The following IL7R variants were observed in gnomAD, a reference collection of about 807,000 sequenced individuals.
IL7R encodes interleukin-7 receptor subunit alpha.
IL7R carries 38 observed loss-of-function variants against 47.0 expected under a neutral mutation model. The observed-to-expected ratio is 0.81, with a 90% CI of 0.62 to 1.06. The LOEUF (loss-of-function observed/expected upper bound fraction) is 1.06, where lower values mean the gene tolerates loss of function less well. IL7R is among the 50% of genes least tolerant of loss of function. IL7R has a pLI of 0.00. For missense variants in IL7R, 633 were observed against 534.8 expected (o/e 1.18, Z -1.81); for synonymous variants, 221 against 199.8 (o/e 1.11, Z -0.89).
chr5:35,872,619 T>G (rs530315164), intron 4 of IL7R, among the ~76,000 whole-genome samples: 2 of 152,244 alleles, frequency 1.3e-5, no homozygotes, highest in South Asian at 4.1e-4. Context: ...ATTAGAAAAA[T>G]TATAGCCAAA....
rs1043693151 is a variant in IL7R at position 35,869,393 on chromosome 5, A to C, written c.380-1663A>C. ...TGCTCAAAGAAATCATTTGAGCTTGAGGAAAACTGTCCAGAGGGCACGAGG... is the reference window on the plus strand; with the variant it reads ...TGCTCAAAGAAATCATTTGAGCTTGCGGAAAACTGTCCAGAGGGCACGAGG... On this transcript the variant is annotated intron_variant, in intron 3 of 7. Coordinates refer to ENST00000303115, the MANE Select transcript of IL7R (RefSeq NM_002185.5). Among the ~76,000 whole-genome samples the C allele has an allele frequency of 2.0e-5, 3 of 152,172 alleles. No homozygotes were observed. The East Asian group carries it at 5.8e-4, about 29-fold the overall frequency.
chr5:35,866,722 T>C (rs1196853941), intron 2 of IL7R, among the ~76,000 whole-genome samples: 2 of 152,140 alleles, frequency 1.3e-5, no homozygotes, highest in Non-Finnish European at 2.9e-5. Context: ...TTTTAACATC[T>C]GCATGTTCTA....
intron 2 of IL7R, 77 bp from the exon 3 acceptor site, chr5:35,867,229 A>T: frequency 1.6e-6 from 2 of 1,282,542 alleles, no homozygotes; most frequent in South Asian, 1.2e-5. Flanking sequence ...ACATACATCA[A>T]TGTGCATATG....
chr5:35,869,007 A>G (rs1321986406), intron 3 of IL7R, among the ~76,000 whole-genome samples: 3 of 152,148 alleles, frequency 2.0e-5, no homozygotes, highest in Non-Finnish European at 4.4e-5. Context: ...TGGAAGGGGT[A>G]GTGTGAGTCT....
chr5:35,859,612 G>C (rs1759748578), intron 1 of IL7R, among the ~76,000 whole-genome samples: 1 of 152,154 alleles, frequency 6.6e-6, no homozygotes, highest in South Asian at 2.1e-4. Flanking sequence ...AGGGCTGTTT[G>C]AGATTTGTTG....
At position 35,877,085 on chromosome 5, in the gene IL7R, A is replaced by G. The variant is rs1332189299; in HGVS notation, c.*599A>G. 1 of 235,600 alleles carries G rather than the reference A, an allele frequency of 4.2e-6. No individual in the cohort carries two copies. The highest frequency in any genetic ancestry group is 8.4e-6 in the Non-Finnish European group (1 of 119,642). The allele number at this position is 235,600 out of a possible 1,614,324, so 14.6% of individuals were successfully genotyped here. On this transcript the variant is annotated 3_prime_UTR_variant, in exon 8 of 8. Coordinates refer to ENST00000303115, the MANE Select transcript of IL7R (RefSeq NM_002185.5). The stretch of plus-strand genomic sequence containing the variant: ...GAGTCTAATTGCAGTTCCCTGAGCC[A>G]TGTGCCTTTCTCTTCACTGAGGACT...
At position 35,872,400 on chromosome 5, in the gene IL7R, G is replaced by A. The variant is rs767760015; in HGVS notation, c.538-1080G>A. On this transcript the variant is annotated intron_variant, in intron 4 of 7. Coordinates refer to ENST00000303115, the MANE Select transcript of IL7R (RefSeq NM_002185.5). ...TTTTGTAGAGCTGGGGTTTCACCAT[G>A]TTGGCCAGGCTGGTCTTGAACTCCT... Among the ~76,000 whole-genome samples, 54 of 152,228 alleles carry A rather than the reference G, an allele frequency of 3.5e-4. 1 individual carries two copies. Among genetic ancestry groups the A allele is most frequent in the Admixed American group, 2.5e-3 (38 of 15,278 alleles).
intron 2 of IL7R, among the ~76,000 whole-genome samples, chr5:35,865,273 T>C (rs1759913344): frequency 6.6e-6 from 1 of 152,326 alleles, no homozygotes; most frequent in South Asian, 2.1e-4. Flanking sequence ...TCCATGTCCC[T>C]ATAAAGGACA....
Position 35,856,911 on chromosome 5 carries a change from C to T in IL7R, c.-67C>T. On this transcript the variant is annotated 5_prime_UTR_variant, in exon 1 of 8. Transcript: ENST00000303115. ...TCTGTCTTCCTCCCTCCCTCCCTTC[C>T]TCTTACTCTCATTCATTTCATACAC... is the stretch of plus-strand genomic sequence containing the variant. 1 of 911,112 alleles carries T rather than the reference C, an allele frequency of 1.1e-6. No individual in the cohort carries two copies. Among genetic ancestry groups the T allele is most frequent in the Non-Finnish European group, 1.8e-6 (1 of 547,090 alleles). 56.4% of individuals were successfully genotyped at this position (911,112 alleles called of 1,614,324 possible). A position where few individuals can be genotyped will look rare whatever the true frequency, so the allele number is the denominator to read the frequency against.
Position 35,875,572 on chromosome 5 carries a change from T to C in IL7R, c.861T>C (p.Cys287=), listed in dbSNP as rs375706394. The change falls in exon 7 of 8, where the codon TGT becomes TGC. Residue 287 remains cysteine, a synonymous_variant. Transcript: ENST00000303115. The stretch of plus-strand genomic sequence containing the variant: ...ATAAGAAGACTCTGGAACATCTTTG[T>C]AAGAAACCAAGAAAAGTGAGTGTTT... ...PDHKKTLEHL[C]KKPRKNLNVS... 37 of 1,613,072 alleles carry C rather than the reference T, an allele frequency of 2.3e-5. No individual in the cohort carries two copies. The African/African-American group carries it at 4.7e-4, about 20-fold the overall frequency.
rs6897932 is a variant in IL7R at position 35,874,473 on chromosome 5, C to T, written c.731C>T (p.Thr244Ile). The change falls in exon 6 of 8, where the codon ACC (threonine) becomes ATC (isoleucine). Residue 244 changes from threonine to isoleucine, a missense_variant. Transcript: ENST00000303115. ...GGGGAGATGGATCCTATCTTACTAA[C>T]CATCAGCATTTTGAGTTTTTTCTCT... is the stretch of plus-strand genomic sequence containing the variant. ...SSGEMDPILL[T>I]ISILSFFSVA... The T allele has an allele frequency of 0.25, 405,436 of 1,608,402 alleles. 53,760 individuals carry two copies. The highest frequency in any genetic ancestry group is 0.27 in the Non-Finnish European group (315,398 of 1,174,846).
intron 3 of IL7R, among the ~76,000 whole-genome samples, chr5:35,868,305 CA>C (rs992587382): frequency 6.6e-6 from 1 of 152,106 alleles, no homozygotes; most frequent in Non-Finnish European, 1.5e-5. Flanking sequence ...CTTCAACCCT[CA>C]AAAAGAAAAT....
At chr5:35,873,809 C>A (rs988956956) in intron 5 of IL7R, among the ~76,000 whole-genome samples, 161 bp downstream of exon 5, 7 of 152,288 alleles carry the variant, frequency 4.6e-5, no homozygotes, top group Middle Eastern at 6.8e-3. Flanking sequence ...GCTGTCTTTG[C>A]GCCTTTTGTG....
At chr5:35,859,043 G>A (rs114472025) in intron 1 of IL7R, among the ~76,000 whole-genome samples, 2 of 152,168 alleles carry the variant, frequency 1.3e-5, no homozygotes, top group East Asian at 3.8e-4. Context: ...TCATTGAAGG[G>A]AATTTTTCTT....
In IL7R at chr5:35,878,904, A is replaced by C. The variant is rs1760283990; in HGVS notation, c.*2418A>C. ...ATCCTTTGTTTCAATGTTGTTTGGC[A>C]TATGTTATCTTTGGAATTTAGTGTC... On this transcript the variant is annotated 3_prime_UTR_variant, in exon 8 of 8. Transcript: ENST00000303115. 4.3e-6 allele frequency: 1 copy of C among 232,872 alleles called. No individual in the cohort carries two copies. Among genetic ancestry groups the C allele is most frequent in the African/African-American group, 2.2e-5 (1 of 45,330 alleles). The allele number at this position is 232,872 out of a possible 1,614,324, so 14.4% of individuals were successfully genotyped here.
At position 35,874,017 on chromosome 5, in the gene IL7R, G is replaced by A. The variant is rs546400623; in HGVS notation, c.706+369G>A. ...CACCTTTATTGGTGTCAGGTATGCA[G>A]GCAAGTGCGGCTGTCCTATGTCTCC... On this transcript the variant is annotated intron_variant, in intron 5 of 7. Coordinates refer to ENST00000303115, the MANE Select transcript of IL7R (RefSeq NM_002185.5). Among the ~76,000 whole-genome samples, 11 of 152,250 alleles carry A rather than the reference G, an allele frequency of 7.2e-5. No homozygotes were observed. The East Asian group carries it at 2.1e-3, about 29-fold the overall frequency.
Position 35,875,770 on chromosome 5 carries a change from C to A in IL7R, c.876+183C>A, listed in dbSNP as rs1443179419. On this transcript the variant is annotated intron_variant, in intron 7 of 7. Coordinates refer to ENST00000303115, the MANE Select transcript of IL7R (RefSeq NM_002185.5). ...AAATAAGATACACATCTCAGAACTT[C>A]TGGGCTCCCTGGGGCTGGAGGGCAC... The A allele has an allele frequency of 4.0e-6, 3 of 753,792 alleles. No individual in the cohort carries two copies. In the East Asian group the frequency reaches 8.0e-5, roughly 20 times the overall value. 46.7% of individuals were successfully genotyped at this position (753,792 alleles called of 1,614,324 possible). A position where few individuals can be genotyped will look rare whatever the true frequency, so the allele number is the denominator to read the frequency against.
Position 35,876,513 on chromosome 5 carries a change from C to T in IL7R, c.*27C>T, listed in dbSNP as rs2149906530. The stretch of plus-strand genomic sequence containing the variant: ...GTGTAAGAAACCCAGACTGAACTTA[C>T]CGTGAGCGACAAAGATGATTTAAAA... On this transcript the variant is annotated 3_prime_UTR_variant, in exon 8 of 8. Coordinates refer to ENST00000303115, the MANE Select transcript of IL7R (RefSeq NM_002185.5). 1 of 1,599,164 alleles carries T rather than the reference C, an allele frequency of 6.3e-7. No homozygotes were observed. Among genetic ancestry groups the T allele is most frequent in the Non-Finnish European group, 8.5e-7 (1 of 1,179,216 alleles).
chr5:35,876,609 T>C lies in IL7R; in HGVS notation c.*123T>C. The C allele has an allele frequency of 2.1e-6, 2 of 975,444 alleles. No homozygotes were observed. Among genetic ancestry groups the C allele is most frequent in the Non-Finnish European group, 3.2e-6 (2 of 634,466 alleles). 60.4% of individuals were successfully genotyped at this position (975,444 alleles called of 1,614,324 possible). ...AAATTAGCAAAACCCCACTACACAG[T>C]CTGCAAGATTCTGAAACATTGCTTT... On this transcript the variant is annotated 3_prime_UTR_variant, in exon 8 of 8. Coordinates refer to ENST00000303115, the MANE Select transcript of IL7R (RefSeq NM_002185.5).
Sources: gnomAD v4.1 joint callset for allele counts (sites outside exome capture counted in the v4.1 genomes callset) on GRCh38, gnomAD v4.1.1 for gene constraint, MANE v1.5 for transcripts, NCBI Gene and HGNC (gene_info 2026-07-23, HGNC 2026-07-21) for gene names.